MYRIP: variants seen among roughly 807,000 people sequenced by gnomAD.
MYRIP encodes the protein myosin VIIA and Rab interacting protein.
A neutral mutation model predicts 98.0 loss-of-function variants in MYRIP; 49 were observed. That is an observed-to-expected ratio of 0.50 (90% CI 0.40 to 0.63). The LOEUF (loss-of-function observed/expected upper bound fraction) is 0.63, where lower values mean the gene tolerates loss of function less well. Ranked by LOEUF, MYRIP falls within the 30% of genes least tolerant of loss-of-function variation. The pLI is 0.00. For synonymous variants in MYRIP, 404 were observed against 409.5 expected (o/e 0.99, Z 0.16); for missense variants, 1,004 against 1,058.2 (o/e 0.95, Z 0.71).
chr3:40,046,688 G>A (rs1188867869), intron 3 of MYRIP, among the ~76,000 whole-genome samples: 5 of 151,356 alleles, frequency 3.3e-5, no homozygotes, highest in Admixed American at 2.0e-4. Flanking sequence ...CTATTGAAGC[G>A]GGATGATGGC....
At chr3:39,941,243 G>A (rs773780298) in intron 2 of MYRIP, among the ~76,000 whole-genome samples, 1 of 152,082 alleles carries the variant, frequency 6.6e-6, no homozygotes, top group Non-Finnish European at 1.5e-5. Context: ...GCTTTTACTC[G>A]TGAGTGAGTG....
intron 3 of MYRIP, among the ~76,000 whole-genome samples, chr3:40,138,715 T>C (rs781002921): frequency 2.0e-5 from 3 of 152,190 alleles, no homozygotes; most frequent in Non-Finnish European, 2.9e-5. Flanking sequence ...GAGTACATAG[T>C]GATATTTTGA....
intron 2 of MYRIP, among the ~76,000 whole-genome samples, chr3:39,964,611 C>T (rs1027103281): frequency 3.3e-5 from 5 of 152,118 alleles, no homozygotes; most frequent in South Asian, 2.1e-4. Context: ...TGCAGAATCA[C>T]TCTGAGGCCT....
At chr3:39,884,322 G>A (rs921862992) in intron 1 of MYRIP, among the ~76,000 whole-genome samples, 2 of 152,104 alleles carry the variant, frequency 1.3e-5, no homozygotes, top group Admixed American at 6.6e-5. Context: ...ATAAACCCAA[G>A]AAAGAAAACA....
chr3:39,860,454 G>T (rs534931286), intron 1 of MYRIP, among the ~76,000 whole-genome samples: 1 of 152,146 alleles, frequency 6.6e-6, no homozygotes, highest in Non-Finnish European at 1.5e-5. Flanking sequence ...TTAGCCTTTG[G>T]GGAACTGTCA....
intron 3 of MYRIP, among the ~76,000 whole-genome samples, chr3:40,070,677 G>A (rs374685219): frequency 6.6e-6 from 1 of 152,216 alleles, no homozygotes; most frequent in East Asian, 1.9e-4. Context: ...CTCCTCATGA[G>A]AATCTAATGC....
At chr3:39,834,594 T>G (rs1941566429) in intron 1 of MYRIP, among the ~76,000 whole-genome samples, 1 of 152,220 alleles carries the variant, frequency 6.6e-6, no homozygotes, top group Non-Finnish European at 1.5e-5. Context: ...TTTACTAAAA[T>G]GATGCTGTGG....
chr3:39,946,944 CA>C (rs143748168), intron 2 of MYRIP, among the ~76,000 whole-genome samples: 1 of 151,824 alleles, frequency 6.6e-6, no homozygotes. Context: ...CTATTAATGC[CA>C]AAAAAAGTTG....
intron 1 of MYRIP, among the ~76,000 whole-genome samples, chr3:39,895,756 A>G (rs1268668912): frequency 6.6e-6 from 1 of 152,200 alleles, no homozygotes; most frequent in Non-Finnish European, 1.5e-5. Context: ...TAAATGGGCA[A>G]TGTCAAAAAG....
intron 3 of MYRIP, among the ~76,000 whole-genome samples, chr3:40,135,122 T>A (rs1210130336): frequency 6.6e-6 from 1 of 151,932 alleles, no homozygotes; most frequent in African/African-American, 2.4e-5. Flanking sequence ...GGCAAAGAAG[T>A]TAAAAACTTT....
intron 1 of MYRIP, among the ~76,000 whole-genome samples, chr3:39,864,675 C>G (rs1296086165): frequency 6.6e-6 from 1 of 152,158 alleles, no homozygotes; most frequent in Non-Finnish European, 1.5e-5. Flanking sequence ...GAAAAACATT[C>G]CATGCTTATG....
intron 2 of MYRIP, among the ~76,000 whole-genome samples, chr3:39,925,753 C>T (rs1307510188): frequency 6.6e-6 from 1 of 152,058 alleles, no homozygotes; most frequent in African/African-American, 2.4e-5. Context: ...TAAGTTGATT[C>T]CATGTCCTTG....
At chr3:39,963,164 T>C (rs114557195) in intron 2 of MYRIP, among the ~76,000 whole-genome samples, 231 of 152,222 alleles carry the variant, frequency 1.5e-3, no homozygotes, top group African/African-American at 5.2e-3. Flanking sequence ...TACCAGGGTA[T>C]ATGGTCTTGT....
At chr3:39,812,430 T>G (rs1940727391) in intron 1 of MYRIP, among the ~76,000 whole-genome samples, 1 of 152,204 alleles carries the variant, frequency 6.6e-6, no homozygotes, top group African/African-American at 2.4e-5. Context: ...GAAGAATGAC[T>G]TGGTTGTCCC....
chr3:39,923,729 G>A (rs1944355058), intron 2 of MYRIP, among the ~76,000 whole-genome samples: 1 of 151,992 alleles, frequency 6.6e-6, no homozygotes. Context: ...AAATACAATA[G>A]GCTTTCTTTA....
At chr3:40,068,118 G>A (rs996467101) in intron 3 of MYRIP, among the ~76,000 whole-genome samples, 1 of 152,134 alleles carries the variant, frequency 6.6e-6, no homozygotes, top group African/African-American at 2.4e-5. Context: ...CCTTTGTACA[G>A]ATATCCTTTG....
intron 12 of MYRIP, chr3:40,238,645 T>C (rs1575668854): frequency 6.6e-6 from 1 of 152,342 alleles, no homozygotes; most frequent in Non-Finnish European, 1.5e-5. Context: ...AGGCTTCGCC[T>C]GTGTGGCTTC....
intron 2 of MYRIP, among the ~76,000 whole-genome samples, chr3:40,013,357 C>G (rs981350763): frequency 6.6e-6 from 1 of 152,174 alleles, no homozygotes; most frequent in African/African-American, 2.4e-5. Context: ...ACCTTTTATT[C>G]CCGTGGAAGG....
intron 10 of MYRIP, among the ~76,000 whole-genome samples, chr3:40,203,491 A>G (rs1366023752): frequency 6.6e-6 from 1 of 151,354 alleles, no homozygotes; most frequent in Non-Finnish European, 1.5e-5. Flanking sequence ...TGAGATGAAA[A>G]CCAAAATGTA....
Sources: allele counts gnomAD v4.1 joint callset (sites outside exome capture counted in the v4.1 genomes callset), GRCh38; gene constraint gnomAD v4.1.1; transcripts MANE v1.5; gene names NCBI Gene and HGNC (gene_info 2026-07-23, HGNC 2026-07-21).